RUNDC3B: variants seen among roughly 807,000 people sequenced by gnomAD.
RUNDC3B encodes RUN domain-containing protein 3B.
RUNDC3B carries 33 observed loss-of-function variants against 58.4 expected under a neutral mutation model. The ratio of observed to expected loss-of-function variants is 0.56; its 90% CI spans 0.43 to 0.75. The LOEUF (loss-of-function observed/expected upper bound fraction) is 0.75. RUNDC3B is among the 30% of genes least tolerant of loss of function. The pLI is 0.00. For synonymous variants in RUNDC3B, 193 were observed against 195.2 expected (o/e 0.99, Z 0.10); for missense variants, 501 against 535.7 (o/e 0.94, Z 0.64).
chr7:87,637,781 G>T, intron 1 of RUNDC3B, among the ~76,000 whole-genome samples: 1 of 152,030 alleles, frequency 6.6e-6, no homozygotes, highest in East Asian at 1.9e-4. Flanking sequence ...AGTCTTACCA[G>T]ATTTCTTTAT....
chr7:87,826,739 G>C (rs1837834966), intron 10 of RUNDC3B, among the ~76,000 whole-genome samples: 1 of 152,034 alleles, frequency 6.6e-6, no homozygotes, highest in African/African-American at 2.4e-5. Flanking sequence ...TATACAAATT[G>C]AAAGATCTAA....
intron 4 of RUNDC3B, among the ~76,000 whole-genome samples, chr7:87,729,494 C>T (rs1831451801): frequency 6.6e-6 from 1 of 152,188 alleles, no homozygotes; most frequent in Non-Finnish European, 1.5e-5. Context: ...CAGAAAGCAA[C>T]ACAGGGCATA....
intron 4 of RUNDC3B, among the ~76,000 whole-genome samples, chr7:87,734,339 G>T (rs1020721215): frequency 6.6e-6 from 1 of 152,150 alleles, no homozygotes; most frequent in Non-Finnish European, 1.5e-5. Flanking sequence ...GGCATAAAAA[G>T]AAATGTAGTA....
At chr7:87,807,921 T>C (rs1416093347) in intron 9 of RUNDC3B, among the ~76,000 whole-genome samples, 6 of 152,136 alleles carry the variant, frequency 3.9e-5, no homozygotes, top group Non-Finnish European at 8.8e-5. Context: ...ATAAATCTGA[T>C]TTTTAGAAAC....
intron 8 of RUNDC3B, among the ~76,000 whole-genome samples, chr7:87,788,214 G>A (rs549151771): frequency 2.0e-5 from 3 of 152,278 alleles, no homozygotes; most frequent in African/African-American, 7.2e-5. Context: ...CTTGAGGCCT[G>A]CAGTTCAAGA....
intron 2 of RUNDC3B, among the ~76,000 whole-genome samples, chr7:87,694,720 C>T (rs1189823548): frequency 1.3e-5 from 2 of 152,034 alleles, no homozygotes; most frequent in African/African-American, 4.8e-5. Context: ...TTCATTCCAC[C>T]AGTACTTTAA....
At chr7:87,689,555 A>G (rs1329604714) in intron 2 of RUNDC3B, among the ~76,000 whole-genome samples, 1 of 152,172 alleles carries the variant, frequency 6.6e-6, no homozygotes, top group African/African-American at 2.4e-5. Flanking sequence ...CTAATTAGCT[A>G]ATTATTAATT....
chr7:87,663,657 G>C (rs932771403), intron 2 of RUNDC3B, among the ~76,000 whole-genome samples: 2 of 152,216 alleles, frequency 1.3e-5, no homozygotes, highest in Non-Finnish European at 2.9e-5. Flanking sequence ...TAGGATGTTA[G>C]ACAAGGTAGA....
chr7:87,714,273 G>C (rs1370178219), intron 4 of RUNDC3B, among the ~76,000 whole-genome samples: 1 of 152,116 alleles, frequency 6.6e-6, no homozygotes, highest in Non-Finnish European at 1.5e-5. Flanking sequence ...CTGGGTCCAG[G>C]GGGGTCACTA....
Position 87,776,345 on chromosome 7 carries a change from CA to C in RUNDC3B, c.799-1451del, listed in dbSNP as rs1034759208. On this transcript the variant is annotated intron_variant, in intron 7 of 10. Coordinates refer to ENST00000394654, the MANE Select transcript of RUNDC3B (RefSeq NM_001134405.2). ...CAGTGACAGAAGAGTGAATAAACTG[CA>C]ATATTCATACAATGGAATACTATAC... Among the ~76,000 whole-genome samples, 14 of 152,104 alleles carry C rather than the reference CA, an allele frequency of 9.2e-5. No individual in the cohort carries two copies. In the South Asian group the frequency reaches 1.0e-3, roughly 11 times the overall value.
chr7:87,785,914 C>T (rs528004249), intron 8 of RUNDC3B, among the ~76,000 whole-genome samples: 48 of 152,184 alleles, frequency 3.2e-4, no homozygotes, highest in African/African-American at 1.1e-3. Flanking sequence ...TTAGGATCCC[C>T]GAGGTGTGGT....
chr7:87,705,836 C>T (rs1299397550), intron 3 of RUNDC3B, among the ~76,000 whole-genome samples: 4 of 152,094 alleles, frequency 2.6e-5, no homozygotes, highest in Admixed American at 2.6e-4. Flanking sequence ...CTTTAGTTAC[C>T]ACTGTTACTA....
At chr7:87,771,082 G>A (rs761943178) in intron 7 of RUNDC3B, among the ~76,000 whole-genome samples, 2 of 152,164 alleles carry the variant, frequency 1.3e-5, no homozygotes, top group African/African-American at 2.4e-5. Context: ...ACGTACATCT[G>A]ATTTTTTGAA....
intron 2 of RUNDC3B, among the ~76,000 whole-genome samples, chr7:87,669,996 C>T (rs1254317056): frequency 2.0e-5 from 3 of 152,128 alleles, no homozygotes; most frequent in African/African-American, 7.2e-5. Flanking sequence ...TCTGTATTTT[C>T]TGAATTTAAC....
chr7:87,700,635 T>G, intron 3 of RUNDC3B, 81 bp downstream of exon 3: 1 of 1,289,034 alleles, frequency 7.8e-7, no homozygotes, highest in Non-Finnish European at 1.1e-6. Context: ...TGAAGCTACT[T>G]ACTATGAATT....
At chr7:87,666,024 T>C (rs1251173295) in intron 2 of RUNDC3B, among the ~76,000 whole-genome samples, 3 of 152,176 alleles carry the variant, frequency 2.0e-5, no homozygotes, top group Non-Finnish European at 2.9e-5. Flanking sequence ...CTGGGTCGAA[T>C]GGTAGTTCTT....
At chr7:87,771,891 C>A (rs144835586) in intron 7 of RUNDC3B, among the ~76,000 whole-genome samples, 5 of 152,254 alleles carry the variant, frequency 3.3e-5, no homozygotes, top group African/African-American at 1.2e-4. Flanking sequence ...GACATTGGTA[C>A]ACTGAAATAT....
chr7:87,638,345 TTGTGTGTGTGTGTG>T (rs71524692), intron 1 of RUNDC3B, among the ~76,000 whole-genome samples: 26 of 144,790 alleles, frequency 1.8e-4, no homozygotes, highest in Non-Finnish European at 3.7e-4. Context: ...AAGTATGTGT[TTGTGTGTGTGTGTG>T]TGTGTGTGTG....
At chr7:87,692,293 A>C (rs918526430) in intron 2 of RUNDC3B, among the ~76,000 whole-genome samples, 1 of 152,148 alleles carries the variant, frequency 6.6e-6, no homozygotes, top group Admixed American at 6.5e-5. Context: ...TCTACAAAAA[A>C]AACACATAAA....
Sources: allele counts gnomAD v4.1 joint callset (sites outside exome capture counted in the v4.1 genomes callset), GRCh38; gene constraint gnomAD v4.1.1; transcripts MANE v1.5; gene names NCBI Gene and HGNC (gene_info 2026-07-23, HGNC 2026-07-21).